The following DRICH1 variants were observed in gnomAD, a reference collection of about 807,000 sequenced individuals.
DRICH1 encodes the protein aspartate rich 1, also known as aspartate-rich protein 1.
In DRICH1, 38 loss-of-function variants were observed where a neutral mutation model predicts 39.5. The observed-to-expected ratio is 0.96, with a 90% CI of 0.74 to 1.26. The LOEUF is 1.26. Ranked by LOEUF, DRICH1 falls within the 50% of genes most tolerant of loss-of-function variation. The probability of loss-of-function intolerance (pLI) is 0.00; values close to 1 mark genes in which losing one functional copy is unlikely to be tolerated. For synonymous variants in DRICH1, 84 were observed against 99.5 expected, an observed-to-expected ratio of 0.84 and a Z score of 0.93; for missense variants, 279 against 270.4, an observed-to-expected ratio of 1.03 and a Z score of -0.22.
rs189737471 is a variant in DRICH1 at position 23,618,426 on chromosome 22, T to C, written c.437-769A>G. Among the ~76,000 whole-genome samples the C allele has an allele frequency of 5.2e-4, 79 of 152,224 alleles. 1 individual carries two copies. In the South Asian group the frequency reaches 9.3e-3, roughly 18 times the overall value. ...ACCGCACCCAGCTGATCACAATTTT[T>C]TTTTTCATAGAGATCATTTAAAAAA... On this transcript the variant is annotated intron_variant, in intron 6 of 11. Coordinates refer to ENST00000317749, the MANE Select transcript of DRICH1 (RefSeq NM_016449.4).
chr22:23,624,972 G>A, intron 2 of DRICH1, 68 bp from the exon 3 acceptor site: 1 of 1,545,260 alleles, frequency 6.5e-7, no homozygotes. Context: ...ACACAGATCA[G>A]TTATTCTCTT....
the DRICH1 span, among the ~76,000 whole-genome samples, chr22:23,601,469 C>T: frequency 6.6e-5 from 10 of 152,200 alleles, no homozygotes; most frequent in Non-Finnish European, 1.5e-4. Context: ...AAATCACATA[C>T]TGTATGATTC....
chr22:23,586,314 C>T, the DRICH1 span, among the ~76,000 whole-genome samples: 3 of 152,128 alleles, frequency 2.0e-5, no homozygotes, highest in Non-Finnish European at 4.4e-5. Flanking sequence ...CATGGTGAAA[C>T]CCCATCTCTA....
the DRICH1 span, among the ~76,000 whole-genome samples, chr22:23,585,310 G>A: frequency 1.3e-5 from 2 of 150,926 alleles, no homozygotes; most frequent in Admixed American, 1.3e-4. Flanking sequence ...GCTAAATTGT[G>A]TTACATGTTT....
chr22:23,604,232 G>T (rs1333011334), downstream of DRICH1, among the ~76,000 whole-genome samples: 4 of 151,920 alleles, frequency 2.6e-5, no homozygotes, highest in Non-Finnish European at 5.9e-5. Flanking sequence ...CACCTGTCTA[G>T]CCTGCTCTCA....
intron 1 of DRICH1, among the ~76,000 whole-genome samples, chr22:23,628,493 G>A (rs1179685385): frequency 5.3e-5 from 8 of 152,252 alleles, no homozygotes; most frequent in Admixed American, 2.6e-4. Context: ...GTTGAACTTG[G>A]GAGGTGGACG....
chr22:23,631,975 T>C lies in DRICH1; in HGVS notation c.49A>G (p.Arg17Gly), dbSNP rs969138769. Reference sequence around the variant, plus strand: ...TCATAACAGGGTGCGTCCTTCCCCCTGGGCCAGCCACAGTGGGAGTTGATA... The same window carrying C: ...TCATAACAGGGTGCGTCCTTCCCCCCGGGCCAGCCACAGTGGGAGTTGATA... ...CCINSHCGWP[R>G]GKDAPCYESD... Residue 17 changes from arginine to glycine, a missense_variant, in exon 1 of 12, where the codon AGG becomes GGG. Coordinates refer to ENST00000317749, the MANE Select transcript of DRICH1 (RefSeq NM_016449.4). The C allele has an allele frequency of 1.9e-5, 30 of 1,613,556 alleles. No homozygotes were observed. The highest frequency in any genetic ancestry group is 2.5e-5 in the Non-Finnish European group (29 of 1,180,042).
intron 3 of DRICH1, chr22:23,624,217 C>T (rs2123789420): frequency 1.0e-6 from 1 of 985,422 alleles, no homozygotes; most frequent in Non-Finnish European, 1.2e-6. Flanking sequence ...AGAATTCTGT[C>T]TCCAGGAGTG....
At chr22:23,590,787 G>C in the DRICH1 span, among the ~76,000 whole-genome samples, 50 of 151,762 alleles carry the variant, frequency 3.3e-4, no homozygotes, top group Middle Eastern at 3.4e-3. Flanking sequence ...TATCTATTTA[G>C]ATACCTATAT....
At chr22:23,612,055 A>G (rs1927065543) in intron 11 of DRICH1, among the ~76,000 whole-genome samples, 1 of 152,210 alleles carries the variant, frequency 6.6e-6, no homozygotes, top group South Asian at 2.1e-4. Context: ...ATTTATAACA[A>G]TGAAAGATAT....
intron 5 of DRICH1, among the ~76,000 whole-genome samples, chr22:23,619,605 A>C (rs150424058): frequency 0.019 from 2,856 of 152,370 alleles, 40 homozygotes; most frequent in South Asian, 0.031. Context: ...ACACATACAG[A>C]GTCAGCTGAT....
the DRICH1 span, among the ~76,000 whole-genome samples, chr22:23,593,121 TCAAA>T: frequency 4.0e-5 from 6 of 151,302 alleles, no homozygotes; most frequent in African/African-American, 7.3e-5. Context: ...TTAAATACGC[TCAAA>T]CAGTTAAAGG....
the DRICH1 span, among the ~76,000 whole-genome samples, chr22:23,598,922 TG>T: frequency 2.6e-5 from 4 of 152,292 alleles, no homozygotes; most frequent in African/African-American, 9.6e-5. Context: ...TGAGAGGCTC[TG>T]GCCTGAAAGT....
chr22:23,607,333 G>C (rs924701610), downstream of DRICH1, among the ~76,000 whole-genome samples: 1 of 152,210 alleles, frequency 6.6e-6, no homozygotes, highest in African/African-American at 2.4e-5. Context: ...GTGAGGAAAC[G>C]GAGGCACAGT....
the DRICH1 span, among the ~76,000 whole-genome samples, chr22:23,585,242 A>C: frequency 6.6e-6 from 1 of 152,162 alleles, no homozygotes; most frequent in South Asian, 2.1e-4. Context: ...GGCTCAAGCG[A>C]TCTTCCCACT....
At chr22:23,625,408 CA>C (rs200834629) in intron 2 of DRICH1, among the ~76,000 whole-genome samples, 1 of 150,614 alleles carries the variant, frequency 6.6e-6, no homozygotes, top group African/African-American at 2.5e-5. Flanking sequence ...TGTAGGTCAG[CA>C]AAAAAACAGA....
intron 7 of DRICH1, 59 bp downstream of exon 7, chr22:23,617,516 T>G: frequency 6.3e-7 from 1 of 1,584,028 alleles, no homozygotes; most frequent in Non-Finnish European, 8.7e-7. Flanking sequence ...GATTGGTGAG[T>G]TTGTTTCTCA....
intron 9 of DRICH1, 71 bp from the exon 10 acceptor site, chr22:23,613,731 T>C: frequency 1.7e-6 from 2 of 1,193,516 alleles, no homozygotes; most frequent in South Asian, 1.3e-5. Context: ...TCTGTTATTC[T>C]CTGGACAACG....
intron 4 of DRICH1, among the ~76,000 whole-genome samples, chr22:23,620,890 T>C (rs535226554): frequency 2.0e-5 from 3 of 152,258 alleles, no homozygotes; most frequent in South Asian, 2.1e-4. Flanking sequence ...GAAAAACTGG[T>C]GTGGAGGAAA....
Sources: gnomAD v4.1 joint callset for allele counts (sites outside exome capture counted in the v4.1 genomes callset) on GRCh38, gnomAD v4.1.1 for gene constraint, MANE v1.5 for transcripts, NCBI Gene and HGNC (gene_info 2026-07-23, HGNC 2026-07-21) for gene names.